Variants in ARHGAP31 observed in about 807,000 individuals in gnomAD.
ARHGAP31 encodes rho GTPase-activating protein 31.
Under a neutral mutation model 113.9 loss-of-function variants are expected in ARHGAP31, and 34 were observed. The observed-to-expected ratio is 0.30, with a 90% CI of 0.23 to 0.40. The LOEUF (loss-of-function observed/expected upper bound fraction) is 0.40. ARHGAP31 is among the 10% of genes least tolerant of loss of function. The probability of loss-of-function intolerance (pLI) is 1.00; values close to 1 mark genes in which losing one functional copy is unlikely to be tolerated. For missense variants in ARHGAP31, 1,548 were observed against 1,767.1 expected (o/e 0.88, Z 2.22); for synonymous variants, 650 against 684.8 (o/e 0.95, Z 0.79).
intron 1 of ARHGAP31, among the ~76,000 whole-genome samples, chr3:119,361,464 C>T (rs2080206079): frequency 6.6e-6 from 1 of 151,600 alleles, no homozygotes; most frequent in South Asian, 2.1e-4. Flanking sequence ...TCACTGCAAC[C>T]TCTGCCTCCC....
At chr3:119,386,532 A>G (rs1306369553) in intron 6 of ARHGAP31, among the ~76,000 whole-genome samples, 1 of 152,042 alleles carries the variant, frequency 6.6e-6, no homozygotes, top group Admixed American at 6.5e-5. Flanking sequence ...TCTTAATTCT[A>G]TTGCTTTTGT....
intron 11 of ARHGAP31, among the ~76,000 whole-genome samples, chr3:119,412,160 G>A (rs921452060): frequency 6.6e-6 from 1 of 152,094 alleles, no homozygotes; most frequent in Non-Finnish European, 1.5e-5. Flanking sequence ...AGGTTGAGGC[G>A]GGCGGATCAC....
intron 10 of ARHGAP31, among the ~76,000 whole-genome samples, chr3:119,406,235 C>T (rs1327788086): frequency 6.6e-6 from 1 of 152,138 alleles, no homozygotes; most frequent in Admixed American, 6.5e-5. Context: ...CCTTCCTTCA[C>T]ACCTCAAACA....
At chr3:119,299,476 A>C (rs544775170) in intron 1 of ARHGAP31, among the ~76,000 whole-genome samples, 1 of 152,362 alleles carries the variant, frequency 6.6e-6, no homozygotes, top group Non-Finnish European at 1.5e-5. Flanking sequence ...GGTTCATAAC[A>C]AATAAGTGCC....
intron 1 of ARHGAP31, among the ~76,000 whole-genome samples, chr3:119,320,179 C>T (rs369709430): frequency 2.3e-4 from 35 of 152,332 alleles, no homozygotes; most frequent in Non-Finnish European, 4.6e-4. Flanking sequence ...TGCATTCTCC[C>T]TTCTACCAGA....
At chr3:119,344,061 G>A (rs2080033660) in intron 1 of ARHGAP31, among the ~76,000 whole-genome samples, 1 of 152,136 alleles carries the variant, frequency 6.6e-6, no homozygotes, top group Non-Finnish European at 1.5e-5. Flanking sequence ...CGCAAAGAGT[G>A]GGAAAGGAAC....
chr3:119,357,022 A>C lies in ARHGAP31; in HGVS notation c.101-8294A>C, dbSNP rs911823488. ...TCCCCTGCCAGTTGCAGTGCATGAG[A>C]GTACTTGTTTTCCCATAGCCTTGCC... On this transcript the variant is annotated intron_variant, in intron 1 of 11. Coordinates refer to ENST00000264245, the MANE Select transcript of ARHGAP31 (RefSeq NM_020754.4). Among the ~76,000 whole-genome samples the C allele has an allele frequency of 2.5e-4, 38 of 152,342 alleles. No individual in the cohort carries two copies. In the South Asian group the frequency reaches 2.9e-3, roughly 12 times the overall value.
At chr3:119,312,725 C>T (rs780724707) in intron 1 of ARHGAP31, among the ~76,000 whole-genome samples, 20 of 152,198 alleles carry the variant, frequency 1.3e-4, no homozygotes, top group Admixed American at 3.9e-4. Flanking sequence ...TCATCTAATT[C>T]GGTATAATGG....
intron 1 of ARHGAP31, among the ~76,000 whole-genome samples, chr3:119,343,417 T>C (rs911351047): frequency 6.6e-6 from 1 of 152,206 alleles, no homozygotes; most frequent in Non-Finnish European, 1.5e-5. Context: ...TGAAGTAATA[T>C]ATGTGACATG....
intron 1 of ARHGAP31, among the ~76,000 whole-genome samples, chr3:119,321,281 A>C (rs1020895349): frequency 3.1e-3 from 170 of 55,612 alleles, no homozygotes; most frequent in African/African-American, 9.5e-3. Flanking sequence ...TATATATACT[A>C]TATATATATA....
intron 1 of ARHGAP31, among the ~76,000 whole-genome samples, chr3:119,309,292 G>A (rs906944212): frequency 2.6e-5 from 4 of 152,208 alleles, no homozygotes; most frequent in African/African-American, 9.7e-5. Context: ...TAGACTGCAA[G>A]TGTAAAGTGC....
chr3:119,382,027 G>A (rs1045747642), intron 4 of ARHGAP31, among the ~76,000 whole-genome samples: 4 of 150,152 alleles, frequency 2.7e-5, no homozygotes, highest in Non-Finnish European at 5.9e-5. Flanking sequence ...GCTCTGAGGT[G>A]CTGTGATTCT....
chr3:119,344,676 C>G (rs555761687), intron 1 of ARHGAP31, among the ~76,000 whole-genome samples: 1 of 152,128 alleles, frequency 6.6e-6, no homozygotes, highest in Admixed American at 6.5e-5. Context: ...GTTGCCCAGG[C>G]TGGAGTACAG....
At chr3:119,401,063 CA>C (rs2080600656) in intron 9 of ARHGAP31, among the ~76,000 whole-genome samples, 3 of 151,498 alleles carry the variant, frequency 2.0e-5, no homozygotes, top group Non-Finnish European at 1.5e-5. Flanking sequence ...CCCAGCTACT[CA>C]GGAGGTTGAG....
intron 1 of ARHGAP31, among the ~76,000 whole-genome samples, chr3:119,301,915 C>T (rs2079587903): frequency 2.6e-5 from 4 of 152,212 alleles, no homozygotes; most frequent in Admixed American, 2.6e-4. Context: ...GAGCCGCCTT[C>T]CCACCCTGGC....
chr3:119,306,798 C>T (rs1269077589), intron 1 of ARHGAP31, among the ~76,000 whole-genome samples: 1 of 152,162 alleles, frequency 6.6e-6, no homozygotes, highest in Non-Finnish European at 1.5e-5. Flanking sequence ...ACTGATCTCA[C>T]TTTGAGAAAC....
At chr3:119,328,960 A>T (rs560959843) in intron 1 of ARHGAP31, among the ~76,000 whole-genome samples, 1 of 152,246 alleles carries the variant, frequency 6.6e-6, no homozygotes, top group Non-Finnish European at 1.5e-5. Flanking sequence ...TATGTGGCAT[A>T]TGATAAATGC....
At chr3:119,406,822 G>A (rs2080667116) in intron 10 of ARHGAP31, among the ~76,000 whole-genome samples, 1 of 152,200 alleles carries the variant, frequency 6.6e-6, no homozygotes, top group African/African-American at 2.4e-5. Flanking sequence ...ATTGTTTGGA[G>A]GGATTGTTGT....
At chr3:119,365,571 AC>A (rs1216085330) in intron 2 of ARHGAP31, among the ~76,000 whole-genome samples, 153 bp downstream of exon 2, 2 of 152,212 alleles carry the variant, frequency 1.3e-5, no homozygotes, top group African/African-American at 4.8e-5. Flanking sequence ...CAGATGCCTG[AC>A]TGTTCTTAAT....
Sources: allele counts gnomAD v4.1 joint callset (sites outside exome capture counted in the v4.1 genomes callset), GRCh38; gene constraint gnomAD v4.1.1; transcripts MANE v1.5; gene names NCBI Gene and HGNC (gene_info 2026-07-23, HGNC 2026-07-21).